The following COL19A1 variants were observed in gnomAD, a reference collection of about 807,000 sequenced individuals.
COL19A1 encodes the protein collagen alpha-1(XIX) chain.
Under a neutral mutation model 190.2 loss-of-function variants are expected in COL19A1, and 159 were observed. The ratio of observed to expected loss-of-function variants is 0.84; its 90% confidence interval spans 0.73 to 0.95. COL19A1 has a LOEUF of 0.95. Among genes scored for constraint, COL19A1 ranks in the 40% least tolerant of loss-of-function variants. COL19A1 has a pLI of 0.00. For synonymous variants in COL19A1, 509 were observed against 458.9 expected, an observed-to-expected ratio of 1.11 and a Z score of -1.39; for missense variants, 1,418 against 1,431.9, an observed-to-expected ratio of 0.99 and a Z score of 0.16.
intron 15 of COL19A1, among the ~76,000 whole-genome samples, chr6:70,093,676 A>C (rs1422635955): frequency 6.6e-6 from 1 of 152,196 alleles, no homozygotes; most frequent in African/African-American, 2.4e-5. Context: ...AAATTATAAC[A>C]GCAAAATAAC....
intron 14 of COL19A1, among the ~76,000 whole-genome samples, chr6:70,040,032 T>C (rs1352666275): frequency 6.6e-6 from 1 of 151,992 alleles, no homozygotes; most frequent in African/African-American, 2.4e-5. Flanking sequence ...TCCCAAAGTG[T>C]TGGAATTATA....
chr6:70,027,424 C>T (rs1778785828), intron 12 of COL19A1, among the ~76,000 whole-genome samples: 1 of 152,140 alleles, frequency 6.6e-6, no homozygotes, highest in Admixed American at 6.5e-5. Context: ...AGTTCTTTTT[C>T]AAGTCAGACT....
rs186740008 is a variant in COL19A1, at chr6:69,944,527, T to C, written c.936+6427T>C. On this transcript the variant is annotated intron_variant, in intron 9 of 50. Coordinates refer to ENST00000620364, the MANE Select transcript of COL19A1 (RefSeq NM_001858.6). The stretch of plus-strand genomic sequence containing the variant: ...AATTAAATAATATTATATTGTTAAC[T>C]ATTGTTCTACTACAGTTTTTTCTTT... 2.3e-4 allele frequency among the ~76,000 whole-genome samples: 35 copies of C among 152,252 alleles called. No homozygotes were observed. In the East Asian group the frequency reaches 4.4e-3, roughly 19 times the overall value.
intron 12 of COL19A1, among the ~76,000 whole-genome samples, chr6:70,026,776 G>T (rs750846733): frequency 6.6e-6 from 1 of 152,156 alleles, no homozygotes. Flanking sequence ...GGCTAGTAGA[G>T]TGGGGAATGA....
chr6:69,966,258 C>T (rs1009746933), intron 11 of COL19A1, among the ~76,000 whole-genome samples: 3 of 152,206 alleles, frequency 2.0e-5, no homozygotes, highest in East Asian at 1.9e-4. Flanking sequence ...GCCGCCACCC[C>T]GTCTGGGAGG....
At chr6:70,029,386 G>A (rs945563570) in intron 12 of COL19A1, among the ~76,000 whole-genome samples, 4 of 152,046 alleles carry the variant, frequency 2.6e-5, no homozygotes, top group Non-Finnish European at 5.9e-5. Context: ...TTAGATAACG[G>A]TTTCTGCCTC....
At chr6:70,115,336 G>A (rs1784501597) in intron 16 of COL19A1, among the ~76,000 whole-genome samples, 1 of 152,126 alleles carries the variant, frequency 6.6e-6, no homozygotes, top group African/African-American at 2.4e-5. Context: ...CTGTTAAATG[G>A]AAAATATAAT....
At chr6:70,036,320 A>C (rs2150118553) in intron 14 of COL19A1, among the ~76,000 whole-genome samples, 1 of 152,358 alleles carries the variant, frequency 6.6e-6, no homozygotes, top group Admixed American at 6.5e-5. Flanking sequence ...AACAAACTCT[A>C]ATCACCCAGT....
chr6:69,920,288 G>T lies in COL19A1; in HGVS notation c.267-7621G>T, dbSNP rs116272879. 4.2e-3 allele frequency among the ~76,000 whole-genome samples: 644 copies of T among 152,194 alleles called. 4 individuals are homozygous for T. Among genetic ancestry groups the T allele is most frequent in the African/African-American group, 0.015 (629 of 41,500 alleles). On this transcript the variant is annotated intron_variant, in intron 4 of 50. Coordinates refer to ENST00000620364, the MANE Select transcript of COL19A1 (RefSeq NM_001858.6). ...CTATAGTTAGTCATTTTTAAGGAGC[G>T]CTATTTCTGATCCCCTGGTCACTTC...
chr6:69,907,107 A>ATTTTTT (rs56927758), intron 4 of COL19A1, among the ~76,000 whole-genome samples: 79 of 129,312 alleles, frequency 6.1e-4, no homozygotes, highest in Middle Eastern at 4.4e-3. Flanking sequence ...TATTATTATT[A>ATTTTTT]TTTTTTTTTT....
chr6:70,119,366 T>C (rs1784753901), intron 16 of COL19A1, among the ~76,000 whole-genome samples: 1 of 152,146 alleles, frequency 6.6e-6, no homozygotes, highest in Admixed American at 6.5e-5. Context: ...CAGCTAAAGG[T>C]AATGTGTTCA....
intron 9 of COL19A1, among the ~76,000 whole-genome samples, chr6:69,939,338 C>A (rs974061956): frequency 6.6e-6 from 1 of 152,046 alleles, no homozygotes; most frequent in Non-Finnish European, 1.5e-5. Flanking sequence ...GTTACATGTA[C>A]CAGACACTGA....
chr6:69,913,049 A>C (rs1771062351), intron 4 of COL19A1, among the ~76,000 whole-genome samples: 1 of 152,108 alleles, frequency 6.6e-6, no homozygotes, highest in Non-Finnish European at 1.5e-5. Flanking sequence ...TGATCATGCC[A>C]CTACACTCCA....
intron 16 of COL19A1, among the ~76,000 whole-genome samples, chr6:70,116,429 CA>C (rs1784581686): frequency 6.6e-6 from 1 of 152,136 alleles, no homozygotes; most frequent in Non-Finnish European, 1.5e-5. Context: ...TTAAAAGGAT[CA>C]AAACTCCTTG....
intron 31 of COL19A1, among the ~76,000 whole-genome samples, chr6:70,152,955 G>A (rs573112463): frequency 1.9e-4 from 29 of 152,200 alleles, no homozygotes; most frequent in African/African-American, 6.5e-4. Flanking sequence ...TGGAACCAGG[G>A]CTCTCAGAAG....
At chr6:69,976,261 G>A (rs998428393) in intron 11 of COL19A1, among the ~76,000 whole-genome samples, 4 of 152,024 alleles carry the variant, frequency 2.6e-5, no homozygotes, top group Non-Finnish European at 5.9e-5. Flanking sequence ...TCTCAAGAGT[G>A]GTTATCTAGA....
chr6:70,179,885 T>A (rs1766057472), intron 42 of COL19A1, among the ~76,000 whole-genome samples: 1 of 152,088 alleles, frequency 6.6e-6, no homozygotes, highest in Admixed American at 6.6e-5. Context: ...TTTATTTATT[T>A]ATTTATTTAT....
chr6:69,905,326 A>G (rs1343030565), intron 4 of COL19A1, among the ~76,000 whole-genome samples: 8 of 152,174 alleles, frequency 5.3e-5, no homozygotes, highest in African/African-American at 7.2e-5. Context: ...AGCAGCTTAC[A>G]CACACTAGGT....
chr6:70,020,872 G>A (rs1562092481), intron 11 of COL19A1, among the ~76,000 whole-genome samples: 1 of 152,204 alleles, frequency 6.6e-6, no homozygotes, highest in East Asian at 1.9e-4. Context: ...TAAATGTATA[G>A]AAGATAGATA....
Sources: allele counts gnomAD v4.1 joint callset (sites outside exome capture counted in the v4.1 genomes callset), GRCh38; gene constraint gnomAD v4.1.1; transcripts MANE v1.5; gene names NCBI Gene and HGNC (gene_info 2026-07-23, HGNC 2026-07-21).